CUX1: variants seen among roughly 807,000 people sequenced by gnomAD.
CUX1 encodes the protein cut like homeobox 1.
A neutral mutation model predicts 158.8 loss-of-function variants in CUX1; 31 were observed. The ratio of observed to expected loss-of-function variants is 0.20; its 90% CI spans 0.15 to 0.26. CUX1 has a LOEUF of 0.26. CUX1 is among the 10% of genes least tolerant of loss of function. The pLI is 1.00. For synonymous variants in CUX1, 879 were observed against 862.1 expected (o/e 1.02, Z -0.34); for missense variants, 1,589 against 2,014.6 (o/e 0.79, Z 4.04).
intron 1 of CUX1, chr7:101,824,781 G>C (rs1359346772): frequency 6.6e-6 from 1 of 152,064 alleles, no homozygotes; most frequent in Non-Finnish European, 1.5e-5. Context: ...TGAGATTCTT[G>C]GAAGAAAGAT....
intron 8 of CUX1, among the ~76,000 whole-genome samples, chr7:102,141,520 T>C (rs1021481938): frequency 1.3e-5 from 2 of 152,118 alleles, no homozygotes; most frequent in East Asian, 3.8e-4. Flanking sequence ...GAAGTGGGAT[T>C]GGGCTTGGGG....
At chr7:101,917,054 G>T (rs1804302171) in intron 2 of CUX1, among the ~76,000 whole-genome samples, 1 of 152,204 alleles carries the variant, frequency 6.6e-6, no homozygotes, top group Non-Finnish European at 1.5e-5. Context: ...CCCCTTGTAT[G>T]GGAAGGGGTC....
intron 2 of CUX1, among the ~76,000 whole-genome samples, chr7:101,964,988 T>A (rs1810982348): frequency 6.6e-6 from 1 of 152,108 alleles, no homozygotes; most frequent in Admixed American, 6.6e-5. Flanking sequence ...AGTGAATGAG[T>A]AGGGTTTAAT....
chr7:101,836,081 T>G (rs765716544), intron 1 of CUX1, among the ~76,000 whole-genome samples: 19 of 152,244 alleles, frequency 1.2e-4, no homozygotes, highest in Non-Finnish European at 2.1e-4. Flanking sequence ...ATAGTCACCC[T>G]GTTGTGCTGT....
intron 1 of CUX1, among the ~76,000 whole-genome samples, chr7:101,880,820 A>T (rs1799628132): frequency 6.6e-6 from 1 of 152,144 alleles, no homozygotes; most frequent in Non-Finnish European, 1.5e-5. Context: ...CCCCTTTAGG[A>T]ATTGGATGGA....
chr7:101,933,177 G>A (rs779118303), intron 2 of CUX1, among the ~76,000 whole-genome samples: 5 of 151,894 alleles, frequency 3.3e-5, no homozygotes, highest in South Asian at 2.1e-4. Context: ...CTCTCCTACC[G>A]TGTCTCCAGT....
chr7:102,081,770 C>T (rs952813063), intron 4 of CUX1, among the ~76,000 whole-genome samples: 3 of 146,296 alleles, frequency 2.1e-5, no homozygotes, highest in African/African-American at 4.9e-5. Context: ...GGATTACAGG[C>T]GCCTGCCACC....
intron 1 of CUX1, among the ~76,000 whole-genome samples, chr7:101,865,664 G>T (rs1043048134): frequency 1.3e-5 from 2 of 152,236 alleles, no homozygotes; most frequent in African/African-American, 4.8e-5. Context: ...CAGGATGTTT[G>T]TGAACGCCGA....
At chr7:101,866,152 C>T (rs990901439) in intron 1 of CUX1, among the ~76,000 whole-genome samples, 1 of 151,296 alleles carries the variant, frequency 6.6e-6, no homozygotes, top group African/African-American at 2.4e-5. Context: ...TAGTGAGACC[C>T]CAATCTCTAC....
chr7:102,117,196 G>A (rs1024696500), intron 8 of CUX1, among the ~76,000 whole-genome samples: 5 of 151,936 alleles, frequency 3.3e-5, no homozygotes, highest in African/African-American at 9.7e-5. Flanking sequence ...TCAGGTGTTC[G>A]AGACCAGCCT....
At chr7:102,028,841 ATAT>A (rs1341364879) in intron 3 of CUX1, among the ~76,000 whole-genome samples, 4 of 152,022 alleles carry the variant, frequency 2.6e-5, no homozygotes, top group African/African-American at 9.7e-5. Context: ...ACCAGAAATT[ATAT>A]TATTCTTGCG....
intron 8 of CUX1, among the ~76,000 whole-genome samples, chr7:102,119,176 G>C (rs1268475745): frequency 6.6e-6 from 1 of 152,214 alleles, no homozygotes; most frequent in Non-Finnish European, 1.5e-5. Context: ...GGCGTGGTAT[G>C]CGTTTCTGAA....
rs569530373 is a variant in CUX1 at position 102,239,224 on chromosome 7, G to C, written c.3623-96G>C. 1.2e-4 allele frequency: 163 copies of C among 1,407,670 alleles called. 1 individual carries two copies. In the East Asian group the frequency reaches 3.9e-3, roughly 33 times the overall value. The allele number at this position is 1,407,670 out of a possible 1,614,324, so 87.2% of individuals were successfully genotyped here. A position where few individuals can be genotyped will look rare whatever the true frequency, so the allele number is the denominator to read the frequency against. On this transcript the variant is annotated intron_variant, in intron 22 of 23. Coordinates refer to ENST00000292535, the MANE Select transcript of CUX1 (RefSeq NM_181552.4). ...TTTGAGATGCTCTATGCAAAGTCCTGCAAGCCGGCACTGTGCCGTCCCGCT... is the reference window on the plus strand; with the variant it reads ...TTTGAGATGCTCTATGCAAAGTCCTCCAAGCCGGCACTGTGCCGTCCCGCT...
chr7:102,054,537 A>G (rs549841703), intron 3 of CUX1, among the ~76,000 whole-genome samples: 2 of 152,280 alleles, frequency 1.3e-5, no homozygotes, highest in Admixed American at 6.5e-5. Context: ...GTTCAGGTCA[A>G]TGTAGTTTTG....
rs1280942154 is a variant in CUX1, at chr7:102,251,819, GT to G, written c.*2780del. On this transcript the variant is annotated 3_prime_UTR_variant, in exon 24 of 24. Coordinates refer to ENST00000292535, the MANE Select transcript of CUX1 (RefSeq NM_181552.4). ...AGTTAACAGGAAATAGTAGGCTAGG[GT>G]TTAGTTTTAAAGGCATGACTGTTAT... 1 of 985,240 alleles carries G rather than the reference GT, an allele frequency of 1.0e-6. No homozygotes were observed. The highest frequency in any genetic ancestry group is 1.2e-6 in the Non-Finnish European group (1 of 829,944). The allele number at this position is 985,240 out of a possible 1,614,324, so 61.0% of individuals were successfully genotyped here. A position where few individuals can be genotyped will look rare whatever the true frequency, so the allele number is the denominator to read the frequency against.
chr7:101,848,708 C>T (rs1236672622), intron 1 of CUX1, among the ~76,000 whole-genome samples: 4 of 151,822 alleles, frequency 2.6e-5, no homozygotes, highest in Non-Finnish European at 5.9e-5. Context: ...GTTAAGTGCA[C>T]AGCAAACAGA....
chr7:102,161,983 G>C (rs782739319), intron 9 of CUX1, among the ~76,000 whole-genome samples: 4 of 152,182 alleles, frequency 2.6e-5, no homozygotes, highest in Non-Finnish European at 5.9e-5. Context: ...ATGACTCCAT[G>C]GCCAGGACAG....
chr7:102,024,758 C>T (rs150202346), intron 2 of CUX1, among the ~76,000 whole-genome samples: 12 of 152,164 alleles, frequency 7.9e-5, no homozygotes, highest in African/African-American at 2.4e-4. Context: ...TCATTCTTTA[C>T]GCCTTCCACA....
chr7:102,033,128 C>T (rs542810742), intron 3 of CUX1, among the ~76,000 whole-genome samples: 6 of 152,256 alleles, frequency 3.9e-5, no homozygotes, highest in African/African-American at 1.2e-4. Context: ...AAATGAAAAA[C>T]AATCTATGAA....
Sources: gnomAD v4.1 joint callset for allele counts (sites outside exome capture counted in the v4.1 genomes callset) on GRCh38, gnomAD v4.1.1 for gene constraint, MANE v1.5 for transcripts, NCBI Gene and HGNC (gene_info 2026-07-23, HGNC 2026-07-21) for gene names.